LRP12: variants seen among roughly 807,000 people sequenced by gnomAD.
The protein encoded by LRP12 is low-density lipoprotein receptor-related protein 12.
In LRP12, 14 loss-of-function variants were observed where a neutral mutation model predicts 66.0. The ratio of observed to expected loss-of-function variants is 0.21; its 90% CI spans 0.14 to 0.33. LRP12 has a LOEUF of 0.33. Ranked by LOEUF, LRP12 falls within the 10% of genes least tolerant of loss-of-function variation. The pLI, the probability that LRP12 is intolerant of heterozygous loss-of-function variation, is 1.00. For synonymous variants in LRP12, 357 were observed against 359.1 expected (o/e 0.99, Z 0.07); for missense variants, 889 against 1,053.4 (o/e 0.84, Z 2.16).
At chr8:104,565,351 C>T (rs1811981502) in intron 1 of LRP12, among the ~76,000 whole-genome samples, 1 of 152,118 alleles carries the variant, frequency 6.6e-6, no homozygotes, top group South Asian at 2.1e-4. Flanking sequence ...AAACTGTAAA[C>T]TCCAAATAGA....
intron 2 of LRP12, among the ~76,000 whole-genome samples, chr8:104,522,196 T>A (rs975170022): frequency 6.6e-6 from 1 of 152,090 alleles, no homozygotes; most frequent in African/African-American, 2.4e-5. Flanking sequence ...TACAAAATGT[T>A]AACTAATCTG....
chr8:104,546,835 T>C lies in LRP12; in HGVS notation c.80-14872A>G, dbSNP rs563924386. ...CTACCTTCCCCTGTCATTCGGAGAC[T>C]GATCCCAGGCCCTCTTCATTCTTAT... On this transcript the variant is annotated intron_variant, in intron 1 of 6. Transcript: ENST00000276654. 3.6e-4 allele frequency among the ~76,000 whole-genome samples: 54 copies of C among 149,478 alleles called. No homozygotes were observed. In the South Asian group the frequency reaches 0.011, roughly 31 times the overall value.
At position 104,491,422 on chromosome 8, in the gene LRP12, T is replaced by C. The variant is rs887320075; in HGVS notation, c.1831A>G (p.Arg611Gly). The C allele has an allele frequency of 6.2e-7, 1 of 1,614,098 alleles. No homozygotes were observed. Among genetic ancestry groups the C allele is most frequent in the Admixed American group, 1.7e-5 (1 of 60,004 alleles). Residue 611 changes from arginine (R) to glycine (G), a missense_variant, in exon 7 of 7, where the codon AGA (arginine) becomes GGA (glycine). Around this residue, in one of 3 missense-constraint regions of LRP12, gnomAD observed 800 missense variants for 964.5 expected, o/e 0.83. Transcript: ENST00000276654. ...NIWNRIFNFA[R>G]SRHSGSLALV... is the part of the protein sequence containing the mutation. ...GCCAATGACCCAGAATGACGTGATC[T>C]TGCAAAATTAAAAATACGGTTCCAA...
chr8:104,524,135 G>T (rs777801656), intron 2 of LRP12, among the ~76,000 whole-genome samples: 1 of 151,292 alleles, frequency 6.6e-6, no homozygotes, highest in Admixed American at 6.6e-5. Context: ...CCAGCTACTC[G>T]GGAGGCTGAG....
chr8:104,542,700 C>T lies in LRP12; in HGVS notation c.80-10737G>A, dbSNP rs559535071. ...TGCTGACTGGAGGCCTTACCAATAA[C>T]ACAAACAGTTGATTAACACATATTT... On this transcript the variant is annotated intron_variant, in intron 1 of 6. Coordinates refer to ENST00000276654, the MANE Select transcript of LRP12 (RefSeq NM_013437.5). 4.6e-5 allele frequency among the ~76,000 whole-genome samples: 7 copies of T among 152,194 alleles called. No homozygotes were observed. In the South Asian group the frequency reaches 1.5e-3, roughly 32 times the overall value.
intron 1 of LRP12, among the ~76,000 whole-genome samples, chr8:104,555,528 C>A (rs944936654): frequency 5.9e-5 from 9 of 151,736 alleles, no homozygotes; most frequent in Non-Finnish European, 1.5e-5. Context: ...TTGAAAGCAA[C>A]AACAGTAAAA....
chr8:104,561,990 T>C (rs1468862531), intron 1 of LRP12, among the ~76,000 whole-genome samples: 1 of 152,206 alleles, frequency 6.6e-6, no homozygotes, highest in Non-Finnish European at 1.5e-5. Context: ...ACTGCTATTG[T>C]GCAATTATCA....
intron 1 of LRP12, among the ~76,000 whole-genome samples, chr8:104,575,502 G>A (rs1281701719): frequency 6.6e-6 from 1 of 152,202 alleles, no homozygotes; most frequent in East Asian, 1.9e-4. Flanking sequence ...AAGCCGTCCA[G>A]GAGTCGGGAG....
At position 104,491,453 on chromosome 8, in the gene LRP12, G is replaced by A; in HGVS notation, c.1800C>T (p.Ser600=). The A allele has an allele frequency of 6.2e-7, 1 of 1,614,040 alleles. No homozygotes were observed. The highest frequency in any genetic ancestry group is 8.5e-7 in the Non-Finnish European group (1 of 1,180,006). ...AATTAAAAATACGGTTCCAAATGTT[G>A]CTTGATCTGCCTGCCATAGGAAGCC... ...SVRLPMAGRS[S]NIWNRIFNFA... The change falls in exon 7 of 7, where the codon AGC becomes AGT. Residue 600 remains serine (S), a synonymous_variant. Transcript: ENST00000276654.
rs754362305 is a variant in LRP12, at chr8:104,509,045, C to A, written c.166G>T (p.Ala56Ser). ...ACGETPEQIR[A>S]PSGIITSPGW... ...GGGCTTGTGATTATGCCACTTGGTGCTCGTATTTGCTCTGGAGTCTCTCCA... is the reference window on the plus strand; with the variant it reads ...GGGCTTGTGATTATGCCACTTGGTGATCGTATTTGCTCTGGAGTCTCTCCA... Residue 56 changes from alanine (A) to serine (S), a missense_variant, in exon 3 of 7, where the codon GCA becomes TCA. Ala to Ser is a moderately conservative substitution (Grantham distance 99, BLOSUM62 1). This residue lies in a region of LRP12 where 88 missense variants were observed against 72.5 expected (regional missense o/e 1.21). Coordinates refer to ENST00000276654, the MANE Select transcript of LRP12 (RefSeq NM_013437.5). The A allele has an allele frequency of 6.2e-7, 1 of 1,613,738 alleles. No individual in the cohort carries two copies. Among genetic ancestry groups the A allele is most frequent in the South Asian group, 1.1e-5 (1 of 91,030 alleles).
intron 3 of LRP12, among the ~76,000 whole-genome samples, chr8:104,503,716 AT>A (rs543019251): frequency 6.6e-6 from 1 of 152,264 alleles, no homozygotes; most frequent in Non-Finnish European, 1.5e-5. Flanking sequence ...ATTTAAAGAC[AT>A]TTTTTCCTAT....
chr8:104,531,830 C>T (rs1172384208), intron 2 of LRP12, 77 bp downstream of exon 2: 15 of 917,294 alleles, frequency 1.6e-5, no homozygotes, highest in African/African-American at 3.4e-5. Flanking sequence ...AATATCACTT[C>T]GTAAGATACC....
chr8:104,496,700 G>A (rs959677201), intron 5 of LRP12, among the ~76,000 whole-genome samples: 1 of 152,162 alleles, frequency 6.6e-6, no homozygotes, highest in Non-Finnish European at 1.5e-5. Flanking sequence ...ACTGAGAGCT[G>A]CAGCTTACAA....
chr8:104,563,640 T>C (rs1468279054), intron 1 of LRP12, among the ~76,000 whole-genome samples: 2 of 152,112 alleles, frequency 1.3e-5, no homozygotes, highest in Non-Finnish European at 2.9e-5. Context: ...ATGAGGTGAT[T>C]ACGTCATGAG....
intron 2 of LRP12, among the ~76,000 whole-genome samples, chr8:104,525,194 T>C (rs539346375): frequency 4.3e-4 from 66 of 152,238 alleles, no homozygotes; most frequent in Middle Eastern, 3.4e-3. Context: ...TTGTCTTTTC[T>C]CCTTTCTCTA....
At chr8:104,525,910 C>T (rs1811230154) in intron 2 of LRP12, among the ~76,000 whole-genome samples, 1 of 152,156 alleles carries the variant, frequency 6.6e-6, no homozygotes, top group Non-Finnish European at 1.5e-5. Context: ...TTGCAGACGA[C>T]ATGATTGTGT....
chr8:104,574,777 G>A (rs1291703557), intron 1 of LRP12, among the ~76,000 whole-genome samples: 1 of 152,116 alleles, frequency 6.6e-6, no homozygotes, highest in Non-Finnish European at 1.5e-5. Context: ...TAGTATTTTA[G>A]ATATATTAGT....
At chr8:104,537,287 G>A (rs1811404646) in intron 1 of LRP12, among the ~76,000 whole-genome samples, 1 of 152,004 alleles carries the variant, frequency 6.6e-6, no homozygotes, top group South Asian at 2.1e-4. Flanking sequence ...GAAACATTGA[G>A]AGTATCAGTA....
At position 104,497,196 on chromosome 8, in the gene LRP12, T is replaced by C; in HGVS notation, c.1356A>G (p.Gln452=). The change falls in exon 5 of 7, where the codon CAA becomes CAG. Residue 452 remains glutamine, a synonymous_variant. Coordinates refer to ENST00000276654, the MANE Select transcript of LRP12 (RefSeq NM_013437.5). This position sits in a 1 kb window ranked among gnomAD's most constrained non-coding sequence, Gnocchi z 4.3. ...TGTTTTTACAATGGAAATTTCCTGG[T>C]TGGCAAAAAAAGCAGTTTTTTTCAT... ...GSDEKNCFFC[Q]PGNFHCKNNR... The C allele has an allele frequency of 1.9e-6, 3 of 1,611,152 alleles. No homozygotes were observed. The highest frequency in any genetic ancestry group is 2.5e-6 in the Non-Finnish European group (3 of 1,178,554).
Sources: allele counts gnomAD v4.1 joint callset (sites outside exome capture counted in the v4.1 genomes callset), GRCh38; gene constraint gnomAD v4.1.1; regional missense constraint gnomAD v4.1.1; non-coding constraint Gnocchi (gnomAD v3.1); transcripts MANE v1.5; gene names NCBI Gene and HGNC (gene_info 2026-07-23, HGNC 2026-07-21).